PRKCH: variants seen among roughly 807,000 people sequenced by gnomAD.
PRKCH encodes protein kinase C eta, also known as protein kinase C eta type.
PRKCH carries 28 observed loss-of-function variants against 82.5 expected under a neutral mutation model. The observed-to-expected ratio is 0.34, with a 90% CI of 0.25 to 0.47. The LOEUF (loss-of-function observed/expected upper bound fraction) is 0.47. Ranked by LOEUF, PRKCH falls within the 20% of genes least tolerant of loss-of-function variation. The pLI, the probability that PRKCH is intolerant of heterozygous loss-of-function variation, is 1.00. For synonymous variants in PRKCH, 322 were observed against 327.4 expected, an observed-to-expected ratio of 0.98 and a Z score of 0.18; for missense variants, 705 against 881.8, an observed-to-expected ratio of 0.80 and a Z score of 2.54.
At chr14:61,231,666 CCGGCTGAA>C (rs1434609046) in intron 1 of PRKCH, among the ~76,000 whole-genome samples, 2 of 152,136 alleles carry the variant, frequency 1.3e-5, no homozygotes, top group Non-Finnish European at 2.9e-5. Flanking sequence ...GCCACCGTGG[CCGGCTGAA>C]TCTTTATTTT....
chr14:61,246,055 A>G (rs561855862), intron 1 of PRKCH, among the ~76,000 whole-genome samples: 3 of 152,266 alleles, frequency 2.0e-5, no homozygotes, highest in Admixed American at 1.3e-4. Context: ...AAGTGCTGCT[A>G]TTCATTGGAC....
intron 10 of PRKCH, among the ~76,000 whole-genome samples, chr14:61,496,185 T>A (rs1281972931): frequency 6.6e-6 from 1 of 152,198 alleles, no homozygotes; most frequent in East Asian, 1.9e-4. Flanking sequence ...GCTAACCACA[T>A]GTGTTGAGCA....
intron 1 of PRKCH, among the ~76,000 whole-genome samples, chr14:61,350,485 A>G (rs1202078668): frequency 1.3e-5 from 2 of 152,104 alleles, no homozygotes; most frequent in Non-Finnish European, 2.9e-5. Context: ...TGCTTGCTCC[A>G]TACTCCTCTA....
intron 2 of PRKCH, among the ~76,000 whole-genome samples, chr14:61,397,871 C>T (rs1239056681): frequency 6.6e-6 from 1 of 152,116 alleles, no homozygotes; most frequent in Non-Finnish European, 1.5e-5. Flanking sequence ...ACAGATGAAC[C>T]TACTCAAAAC....
intron 1 of PRKCH, among the ~76,000 whole-genome samples, chr14:61,364,550 A>G (rs1277846882): frequency 6.6e-6 from 1 of 151,802 alleles, no homozygotes; most frequent in East Asian, 1.9e-4. Context: ...AAGAATAGGA[A>G]TGGCCAGGTG....
intron 10 of PRKCH, among the ~76,000 whole-genome samples, chr14:61,510,435 G>A (rs1887327949): frequency 6.6e-6 from 1 of 151,666 alleles, no homozygotes; most frequent in Admixed American, 6.6e-5. Context: ...AGAGGAGGGG[G>A]AGCGATTCAC....
intron 1 of PRKCH, among the ~76,000 whole-genome samples, chr14:61,337,822 G>T (rs908673809): frequency 6.6e-6 from 1 of 152,168 alleles, no homozygotes; most frequent in African/African-American, 2.4e-5. Context: ...TTAAGTGAAA[G>T]GTTTCTGAAC....
chr14:61,328,939 T>C (rs2045742509), intron 1 of PRKCH, among the ~76,000 whole-genome samples: 1 of 151,090 alleles, frequency 6.6e-6, no homozygotes, highest in Non-Finnish European at 1.5e-5. Context: ...TGAGCCATGA[T>C]CATGTCACTG....
At chr14:61,288,665 T>C (rs1382585895) in intron 1 of PRKCH, among the ~76,000 whole-genome samples, 1 of 152,222 alleles carries the variant, frequency 6.6e-6, no homozygotes, top group East Asian at 1.9e-4. Flanking sequence ...TGTCAACTTC[T>C]AAGCCAAAGT....
Position 61,454,585 on chromosome 14 carries a change from T to C in PRKCH, c.960+1232T>C, listed in dbSNP as rs560575485. On this transcript the variant is annotated intron_variant, in intron 7 of 13. Coordinates refer to ENST00000332981, the MANE Select transcript of PRKCH (RefSeq NM_006255.5). ...AGATCTCAGAGGCTCTGCACAGCCC[T>C]GGAGTCCAGCAGTTCTGAAGTTTTG... Among the ~76,000 whole-genome samples, 215 of 152,360 alleles carry C rather than the reference T, an allele frequency of 1.4e-3. 1 individual carries two copies. The highest frequency in any genetic ancestry group is 2.8e-3 in the Admixed American group (43 of 15,308).
intron 10 of PRKCH, among the ~76,000 whole-genome samples, chr14:61,498,701 T>C (rs1404880312): frequency 3.3e-5 from 5 of 152,178 alleles, no homozygotes; most frequent in Non-Finnish European, 7.3e-5. Context: ...ACAGGCTTTC[T>C]GGTGTCTCTT....
intron 1 of PRKCH, among the ~76,000 whole-genome samples, chr14:61,291,323 C>CTTT (rs533117559): frequency 1.5e-3 from 145 of 96,672 alleles, no homozygotes; most frequent in African/African-American, 3.3e-3. Context: ...CCCTCTGGTT[C>CTTT]TTTTTTTTTT....
intron 10 of PRKCH, among the ~76,000 whole-genome samples, chr14:61,517,995 C>T (rs960710881): frequency 1.2e-4 from 19 of 152,200 alleles, no homozygotes; most frequent in African/African-American, 4.6e-4. Context: ...ATTCTGCCTC[C>T]AGGAAGCAAA....
At chr14:61,237,559 G>C (rs2044800799) in intron 1 of PRKCH, among the ~76,000 whole-genome samples, 1 of 152,166 alleles carries the variant, frequency 6.6e-6, no homozygotes, top group Non-Finnish European at 1.5e-5. Flanking sequence ...TGCATAATAA[G>C]AACTTTGGTC....
At chr14:61,356,050 G>C (rs2046143628) in intron 1 of PRKCH, among the ~76,000 whole-genome samples, 1 of 152,202 alleles carries the variant, frequency 6.6e-6, no homozygotes, top group South Asian at 2.1e-4. Flanking sequence ...GAAGCATCCA[G>C]AGAACCGGAA....
intron 1 of PRKCH, among the ~76,000 whole-genome samples, chr14:61,287,553 A>G (rs1347055112): frequency 6.6e-6 from 1 of 152,138 alleles, no homozygotes; most frequent in Non-Finnish European, 1.5e-5. Context: ...TCTACTAAAA[A>G]TACAAAATTA....
intron 10 of PRKCH, among the ~76,000 whole-genome samples, chr14:61,502,065 C>CT (rs869064641): frequency 0.046 from 296 of 6,406 alleles, 6 homozygotes; most frequent in South Asian, 0.14. Flanking sequence ...CTTTTCTTTT[C>CT]TTTTTTTTTT....
At chr14:61,311,554 C>T (rs371381876) in intron 1 of PRKCH, among the ~76,000 whole-genome samples, 1 of 152,202 alleles carries the variant, frequency 6.6e-6, no homozygotes, top group Non-Finnish European at 1.5e-5. Context: ...CCAACGTCTG[C>T]GTGTTACCCA....
At chr14:61,404,801 T>C (rs1471595105) in intron 2 of PRKCH, among the ~76,000 whole-genome samples, 1 of 152,086 alleles carries the variant, frequency 6.6e-6, no homozygotes, top group Non-Finnish European at 1.5e-5. Flanking sequence ...GAGTGGACCT[T>C]GAGTCTGTCT....
Sources: allele counts gnomAD v4.1 joint callset (sites outside exome capture counted in the v4.1 genomes callset), GRCh38; gene constraint gnomAD v4.1.1; transcripts MANE v1.5; gene names NCBI Gene and HGNC (gene_info 2026-07-23, HGNC 2026-07-21).